The following FAR2 variants were observed in gnomAD, a reference collection of about 807,000 sequenced individuals.
The protein encoded by FAR2 is epididymis secretory protein Li 81.
A neutral mutation model predicts 56.0 loss-of-function variants in FAR2; 19 were observed. That is an observed-to-expected ratio of 0.34 (90% CI 0.24 to 0.50). The LOEUF is 0.50. Among genes scored for constraint, FAR2 ranks in the 20% least tolerant of loss-of-function variants. The probability of loss-of-function intolerance (pLI) is 0.98; values close to 1 mark genes in which losing one functional copy is unlikely to be tolerated. For synonymous variants in FAR2, 219 were observed against 218.8 expected (o/e 1.00, Z -0.01); for missense variants, 508 against 642.2 (o/e 0.79, Z 2.26).
chr12:29,264,770 T>C (rs1279662397), intron 1 of FAR2, among the ~76,000 whole-genome samples: 1 of 151,962 alleles, frequency 6.6e-6, no homozygotes, highest in Non-Finnish European at 1.5e-5. Flanking sequence ...ATCTTATATC[T>C]TGAAAAGCTA....
intron 1 of FAR2, among the ~76,000 whole-genome samples, chr12:29,203,088 G>A (rs1425770429): frequency 2.0e-5 from 3 of 152,128 alleles, no homozygotes; most frequent in African/African-American, 4.8e-5. Context: ...TTATGGAAAC[G>A]ACATTAGAAG....
At chr12:29,313,668 T>C (rs1003250521) in intron 8 of FAR2, among the ~76,000 whole-genome samples, 5 of 152,184 alleles carry the variant, frequency 3.3e-5, no homozygotes, top group Non-Finnish European at 7.4e-5. Context: ...CTTTTTCTAA[T>C]AATTTGTTTT....
intron 1 of FAR2, among the ~76,000 whole-genome samples, chr12:29,192,461 T>G (rs1026827379): frequency 1.3e-5 from 2 of 152,228 alleles, no homozygotes; most frequent in Non-Finnish European, 1.5e-5. Flanking sequence ...GGATGCTTTA[T>G]ATATGCAATC....
chr12:29,215,041 A>G (rs964651286), intron 1 of FAR2, among the ~76,000 whole-genome samples: 1 of 152,148 alleles, frequency 6.6e-6, no homozygotes, highest in East Asian at 1.9e-4. Flanking sequence ...TTCAAAGAAG[A>G]GCGAAGGCAA....
chr12:29,180,002 A>T (rs1057355887), intron 1 of FAR2, among the ~76,000 whole-genome samples: 2 of 152,218 alleles, frequency 1.3e-5, no homozygotes, highest in African/African-American at 4.8e-5. Flanking sequence ...TGTTTATCTC[A>T]TATTTGCAAT....
chr12:29,324,272 T>C (rs1949605443), intron 10 of FAR2, among the ~76,000 whole-genome samples: 1 of 152,176 alleles, frequency 6.6e-6, no homozygotes, highest in South Asian at 2.1e-4. Flanking sequence ...CTACGTCTGA[T>C]TGGTGTACCT....
Position 29,293,396 on chromosome 12 carries a change from G to A in FAR2, c.286G>A (p.Glu96Lys). 6.2e-7 allele frequency: 1 copy of A among 1,612,934 alleles called. No individual in the cohort carries two copies. The highest frequency in any genetic ancestry group is 8.5e-7 in the Non-Finnish European group (1 of 1,179,618). ...LNQNDFAISK[E>K]DMQELLSCTN... ...TCAGAATGACTTTGCCATCAGCAAA[G>A]AGGACATGCAGGAGCTTCTCTCCTG... The change falls in exon 3 of 12, where the codon GAG becomes AAG. Residue 96 changes from glutamate to lysine, a missense_variant. By Grantham distance (56) the Glu-to-Lys change is moderately conservative. Coordinates refer to ENST00000536681, the MANE Select transcript of FAR2 (RefSeq NM_001271783.2).
chr12:29,290,414 C>T (rs1246267229), intron 2 of FAR2, among the ~76,000 whole-genome samples: 1 of 151,592 alleles, frequency 6.6e-6, no homozygotes, highest in African/African-American at 2.4e-5. Context: ...CCACTGCACT[C>T]CAGCCTGGGT....
At chr12:29,210,359 C>T (rs983211547) in intron 1 of FAR2, among the ~76,000 whole-genome samples, 13 of 152,216 alleles carry the variant, frequency 8.5e-5, no homozygotes, top group East Asian at 1.9e-4. Flanking sequence ...TATCCAAAGT[C>T]GGGACCTTGC....
intron 1 of FAR2, among the ~76,000 whole-genome samples, chr12:29,192,648 GTTATA>G (rs1416725801): frequency 1.3e-5 from 2 of 152,170 alleles, no homozygotes; most frequent in East Asian, 1.9e-4. Flanking sequence ...AATAATATTT[GTTATA>G]TTATATATAA....
chr12:29,312,000 G>T, intron 8 of FAR2, 50 bp downstream of exon 8: 2 of 1,374,942 alleles, frequency 1.5e-6, no homozygotes, highest in Non-Finnish European at 2.0e-6. Context: ...CTGGCACAGA[G>T]AAAAAGTTGA....
chr12:29,296,866 A>C (rs1014019878), intron 3 of FAR2, among the ~76,000 whole-genome samples, 155 bp from the exon 4 acceptor site: 8 of 152,232 alleles, frequency 5.3e-5, no homozygotes, highest in Non-Finnish European at 1.0e-4. Flanking sequence ...CGAGTATCAC[A>C]TAACTGTGTA....
intron 2 of FAR2, among the ~76,000 whole-genome samples, chr12:29,276,877 A>G (rs951640574): frequency 1.3e-5 from 2 of 150,526 alleles, no homozygotes; most frequent in African/African-American, 2.4e-5. Flanking sequence ...TCTCTAGATT[A>G]TATATATATA....
At chr12:29,319,182 G>C (rs1183873123) in intron 9 of FAR2, among the ~76,000 whole-genome samples, 1 of 151,842 alleles carries the variant, frequency 6.6e-6, no homozygotes, top group African/African-American at 2.4e-5. Flanking sequence ...GCAGAGATGG[G>C]GTTTCACGAT....
chr12:29,189,633 A>G (rs76850093), intron 1 of FAR2, among the ~76,000 whole-genome samples: 1 of 152,156 alleles, frequency 6.6e-6, no homozygotes, highest in Non-Finnish European at 1.5e-5. Flanking sequence ...TGAACTAACC[A>G]ATATATATAC....
intron 7 of FAR2, among the ~76,000 whole-genome samples, chr12:29,311,532 G>A (rs1949351634): frequency 6.6e-6 from 1 of 151,954 alleles, no homozygotes; most frequent in Non-Finnish European, 1.5e-5. Context: ...GTCACGATGT[G>A]TGGGGAAGCT....
At chr12:29,176,053 C>A (rs951980604) in intron 1 of FAR2, among the ~76,000 whole-genome samples, 13 of 152,100 alleles carry the variant, frequency 8.5e-5, no homozygotes, top group Non-Finnish European at 1.6e-4. Flanking sequence ...TAAATTTGCA[C>A]TTCTGTAGTT....
chr12:29,326,961 T>C (rs1332733884), intron 10 of FAR2, among the ~76,000 whole-genome samples: 2 of 152,172 alleles, frequency 1.3e-5, no homozygotes, highest in Admixed American at 6.5e-5. Context: ...GGAAGTCAAA[T>C]TGTCCCTGTT....
At chr12:29,154,832 G>A (rs939609716) in intron 1 of FAR2, among the ~76,000 whole-genome samples, 3 of 152,172 alleles carry the variant, frequency 2.0e-5, no homozygotes, top group Admixed American at 6.5e-5. Context: ...TAAACTTGAC[G>A]TTGAAATGCT....
Sources: gnomAD v4.1 joint callset for allele counts (sites outside exome capture counted in the v4.1 genomes callset) on GRCh38, gnomAD v4.1.1 for gene constraint, MANE v1.5 for transcripts, NCBI Gene and HGNC (gene_info 2026-07-23, HGNC 2026-07-21) for gene names.